The following NKAIN2 variants were observed in gnomAD, a reference collection of about 807,000 sequenced individuals.
The protein encoded by NKAIN2 is sodium/potassium transporting ATPase interacting 2.
Under a neutral mutation model 32.6 loss-of-function variants are expected in NKAIN2, and 14 were observed. The ratio of observed to expected loss-of-function variants is 0.43; its 90% CI spans 0.28 to 0.67. The LOEUF (loss-of-function observed/expected upper bound fraction) is 0.67. Ranked by LOEUF, NKAIN2 falls within the 30% of genes least tolerant of loss-of-function variation. The probability of loss-of-function intolerance (pLI) is 0.17; values close to 1 mark genes in which losing one functional copy is unlikely to be tolerated. For missense variants in NKAIN2, 198 were observed against 258.3 expected, an observed-to-expected ratio of 0.77 and a Z score of 1.60; for synonymous variants, 80 against 87.2, an observed-to-expected ratio of 0.92 and a Z score of 0.46.
intron 1 of NKAIN2, among the ~76,000 whole-genome samples, chr6:124,228,455 G>T (rs7760778): frequency 0.014 from 2,100 of 152,168 alleles, 49 homozygotes; most frequent in African/African-American, 0.048. Flanking sequence ...AGGCATCCAG[G>T]CTCTTATACT....
rs1773417890 is a variant in NKAIN2, at chr6:123,810,559, C to T, written c.54+6305C>T. Reference sequence around the variant, plus strand: ...CATTGCTGTTCTCATGCATTTGGGCCAACTTTTGACAGATAACCATGAAAT... The same window carrying T: ...CATTGCTGTTCTCATGCATTTGGGCTAACTTTTGACAGATAACCATGAAAT... On this transcript the variant is annotated intron_variant, in intron 1 of 6. Transcript: ENST00000368417. Among the ~76,000 whole-genome samples, 3 of 152,066 alleles carry T rather than the reference C, an allele frequency of 2.0e-5. No individual in the cohort carries two copies. The South Asian group carries it at 6.2e-4, about 31-fold the overall frequency.
At chr6:124,695,041 C>T (rs1774433200) in intron 4 of NKAIN2, among the ~76,000 whole-genome samples, 1 of 152,004 alleles carries the variant, frequency 6.6e-6, no homozygotes, top group Admixed American at 6.6e-5. Flanking sequence ...TCCTCTTCCT[C>T]TTCCTCCTTG....
intron 3 of NKAIN2, among the ~76,000 whole-genome samples, chr6:124,522,947 T>C (rs942987432): frequency 2.0e-5 from 3 of 150,296 alleles, no homozygotes; most frequent in Non-Finnish European, 2.9e-5. Context: ...ATCGAGACCA[T>C]CCCGGCTAAA....
At chr6:124,769,564 A>C (rs1310938446) in intron 4 of NKAIN2, among the ~76,000 whole-genome samples, 1 of 152,174 alleles carries the variant, frequency 6.6e-6, no homozygotes, top group African/African-American at 2.4e-5. Context: ...GATTATAAAA[A>C]AACTCAGAAT....
intron 1 of NKAIN2, among the ~76,000 whole-genome samples, chr6:124,232,656 A>G (rs1265072051): frequency 6.6e-6 from 1 of 152,064 alleles, no homozygotes; most frequent in African/African-American, 2.4e-5. Context: ...GAATCTGTGT[A>G]TTTTGCTCTC....
intron 1 of NKAIN2, among the ~76,000 whole-genome samples, chr6:124,037,976 A>G (rs1036649139): frequency 6.6e-6 from 1 of 152,164 alleles, no homozygotes; most frequent in East Asian, 1.9e-4. Context: ...GCAAGATTGA[A>G]TGGATAAACA....
chr6:124,163,072 A>G (rs1313356396), intron 1 of NKAIN2, among the ~76,000 whole-genome samples: 3 of 152,060 alleles, frequency 2.0e-5, no homozygotes, highest in Non-Finnish European at 4.4e-5. Flanking sequence ...TGATTTTTTC[A>G]TCTTCATACT....
At chr6:124,709,412 T>C (rs1459204581) in intron 4 of NKAIN2, among the ~76,000 whole-genome samples, 2 of 151,452 alleles carry the variant, frequency 1.3e-5, no homozygotes, top group African/African-American at 4.8e-5. Context: ...TCAGAAGGAA[T>C]GGTACCAGTT....
intron 3 of NKAIN2, among the ~76,000 whole-genome samples, chr6:124,360,923 T>A (rs1799261206): frequency 6.6e-6 from 1 of 152,166 alleles, no homozygotes; most frequent in African/African-American, 2.4e-5. Flanking sequence ...AAATGTGACA[T>A]GGGTTATTGA....
At chr6:124,741,733 A>G (rs537720273) in intron 4 of NKAIN2, among the ~76,000 whole-genome samples, 2 of 151,964 alleles carry the variant, frequency 1.3e-5, no homozygotes, top group East Asian at 3.9e-4. Context: ...TTTATAATTG[A>G]CTTCAGTAAT....
At chr6:124,636,387 A>G (rs1783774408) in intron 3 of NKAIN2, among the ~76,000 whole-genome samples, 2 of 151,924 alleles carry the variant, frequency 1.3e-5, no homozygotes, top group South Asian at 4.1e-4. Context: ...GGAAAACTAA[A>G]CCCAAGGTTA....
chr6:123,948,597 ATTTTTTTTTTTTTT>A (rs71021472), intron 1 of NKAIN2, among the ~76,000 whole-genome samples: 64 of 49,316 alleles, frequency 1.3e-3, no homozygotes, highest in African/African-American at 3.6e-3. Context: ...CTTAAATGGG[ATTTTTTTTTTTTTT>A]TTTTTTTTTT....
chr6:124,071,984 G>A (rs1333907031), intron 1 of NKAIN2, among the ~76,000 whole-genome samples: 2 of 151,976 alleles, frequency 1.3e-5, no homozygotes, highest in Admixed American at 1.3e-4. Context: ...ATATATATCC[G>A]AAAGAAAATA....
intron 2 of NKAIN2, among the ~76,000 whole-genome samples, chr6:124,302,140 A>G (rs1162869791): frequency 6.6e-6 from 1 of 152,188 alleles, no homozygotes. Flanking sequence ...TGACGTTTTT[A>G]TAATGGGAGT....
intron 3 of NKAIN2, among the ~76,000 whole-genome samples, chr6:124,553,736 C>T (rs899241983): frequency 3.3e-5 from 5 of 152,152 alleles, no homozygotes; most frequent in South Asian, 2.1e-4. Flanking sequence ...CATACAGCAG[C>T]GTTTAATTGA....
intron 3 of NKAIN2, among the ~76,000 whole-genome samples, chr6:124,620,459 C>G (rs1001907651): frequency 6.6e-6 from 1 of 152,130 alleles, no homozygotes; most frequent in African/African-American, 2.4e-5. Flanking sequence ...TCTTTTATGA[C>G]TCTAGATACA....
chr6:124,721,826 A>G lies in NKAIN2; in HGVS notation c.474+63440A>G, dbSNP rs1435342212. Among the ~76,000 whole-genome samples, 4 of 152,234 alleles carry G rather than the reference A, an allele frequency of 2.6e-5. No homozygotes were observed. In the East Asian group the frequency reaches 5.8e-4, roughly 22 times the overall value. On this transcript the variant is annotated intron_variant, in intron 4 of 6. Transcript: ENST00000368417. ...TTTTTTTAATTGTAGTAAAATATAC[A>G]TAGCATAAAATTTACCTTTTTATCT...
At chr6:124,396,557 A>G (rs1042208912) in intron 3 of NKAIN2, among the ~76,000 whole-genome samples, 4 of 152,164 alleles carry the variant, frequency 2.6e-5, no homozygotes, top group African/African-American at 9.7e-5. Context: ...ATGAAACACG[A>G]TGAGTCAGAA....
chr6:124,517,070 A>C (rs1005362012), intron 3 of NKAIN2, among the ~76,000 whole-genome samples: 38 of 152,258 alleles, frequency 2.5e-4, no homozygotes, highest in Non-Finnish European at 1.5e-4. Flanking sequence ...TCAGTTCTAG[A>C]TATGTCTTGG....
Sources: gnomAD v4.1 joint callset for allele counts (sites outside exome capture counted in the v4.1 genomes callset) on GRCh38, gnomAD v4.1.1 for gene constraint, MANE v1.5 for transcripts, NCBI Gene and HGNC (gene_info 2026-07-23, HGNC 2026-07-21) for gene names.